The following KLHL18 variants were observed in gnomAD, a reference collection of about 807,000 sequenced individuals.
KLHL18 encodes kelch like family member 18.
Under a neutral mutation model 58.5 loss-of-function variants are expected in KLHL18, and 38 were observed. That is an observed-to-expected ratio of 0.65 (90% CI 0.50 to 0.85). The LOEUF (loss-of-function observed/expected upper bound fraction) is 0.85. Among genes scored for constraint, KLHL18 ranks in the 40% least tolerant of loss-of-function variants. The probability of loss-of-function intolerance (pLI) is 0.00; values close to 1 mark genes in which losing one functional copy is unlikely to be tolerated. For missense variants in KLHL18, 624 were observed against 778.4 expected (o/e 0.80, Z 2.36); for synonymous variants, 303 against 301.9 (o/e 1.00, Z -0.04).
At chr3:47,329,825 G>A in intron 3 of KLHL18, 126 bp from the exon 4 acceptor site, 1 of 744,198 alleles carries the variant, frequency 1.3e-6, no homozygotes, top group Non-Finnish European at 2.2e-6. Flanking sequence ...GAGAAATACA[G>A]TTTCCAACAA....
At chr3:47,284,240 C>T (rs2107563940) in intron 1 of KLHL18, among the ~76,000 whole-genome samples, 1 of 151,678 alleles carries the variant, frequency 6.6e-6, no homozygotes, top group African/African-American at 2.4e-5. Flanking sequence ...TCTCCTATTT[C>T]TCTCTGTCTC....
intron 1 of KLHL18, among the ~76,000 whole-genome samples, chr3:47,317,928 G>A (rs1703493478): frequency 6.6e-6 from 1 of 152,150 alleles, no homozygotes; most frequent in South Asian, 2.1e-4. Flanking sequence ...GAGTGCAGTG[G>A]CACGATCTTG....
Position 47,319,843 on chromosome 3 carries a change from C to T in KLHL18, c.260+60C>T, listed in dbSNP as rs1245867630. On this transcript the variant is annotated intron_variant, in intron 2 of 9. Coordinates refer to ENST00000232766, the MANE Select transcript of KLHL18 (RefSeq NM_025010.5). ...TTTCCAAGTGCAGTTTCAGCCTGTGCACGGTTCCGTTGAGGACCTGCAGCA... is the reference window on the plus strand; with the variant it reads ...TTTCCAAGTGCAGTTTCAGCCTGTGTACGGTTCCGTTGAGGACCTGCAGCA... 5.0e-6 allele frequency: 8 copies of T among 1,588,680 alleles called. No homozygotes were observed. In the African/African-American group the frequency reaches 1.1e-4, roughly 21 times the overall value.
intron 1 of KLHL18, among the ~76,000 whole-genome samples, chr3:47,300,158 C>G (rs1702984733): frequency 6.6e-6 from 1 of 151,068 alleles, no homozygotes; most frequent in Admixed American, 6.6e-5. Context: ...CCTCTCCACT[C>G]TTATCCCTCA....
chr3:47,298,719 TC>T (rs985429116), intron 1 of KLHL18, among the ~76,000 whole-genome samples: 5 of 152,234 alleles, frequency 3.3e-5, no homozygotes, highest in African/African-American at 9.6e-5. Flanking sequence ...TCCAGCCCCC[TC>T]CCACCCACCA....
chr3:47,311,130 C>T (rs1267289232), intron 1 of KLHL18, among the ~76,000 whole-genome samples: 1 of 152,090 alleles, frequency 6.6e-6, no homozygotes, highest in Non-Finnish European at 1.5e-5. Context: ...CTGCCTCAGC[C>T]TCCTGAGTAG....
chr3:47,337,044 G>T, intron 7 of KLHL18: 1 of 339,484 alleles, frequency 2.9e-6, no homozygotes, highest in Non-Finnish European at 5.5e-6. Flanking sequence ...TATTATGGAA[G>T]ATTCGAAGAG....
chr3:47,342,720 TG>T lies in KLHL18; in HGVS notation c.1230del (p.Trp410Ter), dbSNP rs1257985520. The stretch of plus-strand genomic sequence containing the variant: ...TCCTATTTTGACTCTTTCCTGAAGA[TG>T]GACAGTGGTGACCTCGATGAGCTCG... ...VETYSPETDK[W>X]TVVTSMSSNR... On this transcript the variant is annotated frameshift_variant and splice_region_variant, in exon 9 of 10. Transcript: ENST00000232766. LOFTEE classifies it high-confidence loss of function. The T allele has an allele frequency of 6.2e-7, 1 of 1,613,734 alleles. No individual in the cohort carries two copies. Among genetic ancestry groups the T allele is most frequent in the South Asian group, 1.1e-5 (1 of 91,074 alleles).
chr3:47,335,382 T>G (rs1465572331), intron 6 of KLHL18, among the ~76,000 whole-genome samples: 1 of 152,196 alleles, frequency 6.6e-6, no homozygotes, highest in Non-Finnish European at 1.5e-5. Context: ...AACACACACA[T>G]GCTTTACAGT....
Position 47,333,213 on chromosome 3 carries a change from C to A in KLHL18, c.657C>A (p.Tyr219Ter). 7 of 1,614,154 alleles carry A rather than the reference C, an allele frequency of 4.3e-6. No homozygotes were observed. The highest frequency in any genetic ancestry group is 5.9e-6 in the Non-Finnish European group (7 of 1,180,016). Residue 219 changes from tyrosine (Y) to a stop codon, truncating the protein, a stop_gained, in exon 5 of 10, where the codon TAC becomes TAA. Transcript: ENST00000232766. LOFTEE classifies it high-confidence loss of function. ...ACGACCGGGAGCAGAGGGGTCCCTA[C>A]CTGCCTGAGCTGCTGTCCAATATCC... ...VRYDREQRGP[Y>*]LPELLSNIRL...
At chr3:47,316,747 A>G (rs1244305368) in intron 1 of KLHL18, among the ~76,000 whole-genome samples, 173 of 98,636 alleles carry the variant, frequency 1.8e-3, no homozygotes, top group Middle Eastern at 4.9e-3. Flanking sequence ...ATATATACGT[A>G]TATATGTATA....
chr3:47,305,103 A>C (rs1199515217), intron 1 of KLHL18, among the ~76,000 whole-genome samples: 2 of 151,840 alleles, frequency 1.3e-5, no homozygotes, highest in Admixed American at 6.6e-5. Flanking sequence ...TCTGATTTGT[A>C]TTCCTTTTAT....
At chr3:47,308,393 T>G (rs532690651) in intron 1 of KLHL18, among the ~76,000 whole-genome samples, 1 of 152,092 alleles carries the variant, frequency 6.6e-6, no homozygotes, top group Non-Finnish European at 1.5e-5. Flanking sequence ...ATGTAGTTTT[T>G]CTTTTCTTTT....
chr3:47,344,125 G>A lies in KLHL18; in HGVS notation c.*184G>A. The A allele has an allele frequency of 1.5e-6, 1 of 672,904 alleles. No individual in the cohort carries two copies. Among genetic ancestry groups the A allele is most frequent in the Non-Finnish European group, 2.5e-6 (1 of 407,208 alleles). The allele number at this position is 672,904 out of a possible 1,614,324, so 41.7% of individuals were successfully genotyped here. Reference sequence around the variant, plus strand: ...TGCCACCCTTGTGACCTTCAGGCTTGGGTCATCAAGATGCACAGCATGGAA... The same window carrying A: ...TGCCACCCTTGTGACCTTCAGGCTTAGGTCATCAAGATGCACAGCATGGAA... On this transcript the variant is annotated 3_prime_UTR_variant, in exon 10 of 10. Transcript: ENST00000232766.
chr3:47,302,809 G>A (rs553498549), intron 1 of KLHL18, among the ~76,000 whole-genome samples: 55 of 152,228 alleles, frequency 3.6e-4, no homozygotes, highest in African/African-American at 9.6e-4. Flanking sequence ...TAGTTTCAGT[G>A]CCCGTATCAT....
intron 7 of KLHL18, 45 bp from the exon 8 acceptor site, chr3:47,340,527 A>G: frequency 1.2e-6 from 2 of 1,612,886 alleles, no homozygotes; most frequent in Non-Finnish European, 1.7e-6. Context: ...AGGCTGCTCC[A>G]GGAAGGCTGC....
At chr3:47,305,334 G>GTTTTTTT (rs397744565) in intron 1 of KLHL18, among the ~76,000 whole-genome samples, 107 of 70,318 alleles carry the variant, frequency 1.5e-3, no homozygotes, top group Non-Finnish European at 2.2e-3. Flanking sequence ...ATTTTGTCAA[G>GTTTTTTT]TTTTTTTTTT....
In KLHL18 at chr3:47,343,711, T is replaced by A. The variant is rs772198292; in HGVS notation, c.1495T>A (p.Ser499Thr). The A allele has an allele frequency of 6.2e-7, 1 of 1,614,188 alleles. No homozygotes were observed. The highest frequency in any genetic ancestry group is 1.7e-5 in the Admixed American group (1 of 60,030). The change falls in exon 10 of 10, where the codon TCT becomes ACT. Residue 499 changes from serine (S) to threonine (T), a missense_variant. By Grantham distance (58) the Ser-to-Thr change is moderately conservative. Transcript: ENST00000232766. The stretch of plus-strand genomic sequence containing the variant: ...CCTCAGCATTGCCGAGATGTACAGC[T>A]CTGTGGCAGACCAGTGGTGCCTGAT... ...GFLSIAEMYS[S>T]VADQWCLIVP... is the part of the protein sequence containing the mutation.
chr3:47,291,670 G>T (rs1310114241), intron 1 of KLHL18, among the ~76,000 whole-genome samples: 2 of 152,184 alleles, frequency 1.3e-5, no homozygotes. Context: ...TACTGATAGG[G>T]CCTCTAAGGC....
Sources: gnomAD v4.1 joint callset for allele counts (sites outside exome capture counted in the v4.1 genomes callset) on GRCh38, gnomAD v4.1.1 for gene constraint, MANE v1.5 for transcripts, NCBI Gene and HGNC (gene_info 2026-07-23, HGNC 2026-07-21) for gene names.